TEX14: variants seen among roughly 807,000 people sequenced by gnomAD.
TEX14 encodes inactive serine/threonine-protein kinase TEX14.
In TEX14, 168 loss-of-function variants were observed where a neutral mutation model predicts 178.6. The observed-to-expected ratio is 0.94, with a 90% CI of 0.83 to 1.07. The LOEUF (loss-of-function observed/expected upper bound fraction) is 1.07. TEX14 is among the 50% of genes least tolerant of loss of function. The pLI, the probability that TEX14 is intolerant of heterozygous loss-of-function variation, is 0.00. For synonymous variants in TEX14, 626 were observed against 634.1 expected (o/e 0.99, Z 0.19); for missense variants, 1,730 against 1,753.6 (o/e 0.99, Z 0.24).
chr17:58,615,215 T>C lies in TEX14; in HGVS notation c.881+17A>G, dbSNP rs1200700122. 4 of 1,539,474 alleles carry C rather than the reference T, an allele frequency of 2.6e-6. No individual in the cohort carries two copies. Among genetic ancestry groups the C allele is most frequent in the South Asian group, 1.1e-5 (1 of 89,416 alleles). On this transcript the variant is annotated intron_variant, in intron 8 of 31. Coordinates refer to ENST00000349033, the MANE Select transcript of TEX14 (RefSeq NM_031272.5). Reference sequence around the variant, plus strand: ...GAGAGACCTGGACCTATAAGGGGCCTTGGGCTTCCTTCTCACCTGCTGTGT... The same window carrying C: ...GAGAGACCTGGACCTATAAGGGGCCCTGGGCTTCCTTCTCACCTGCTGTGT...
At chr17:58,662,402 T>C (rs764756149) in intron 1 of TEX14, among the ~76,000 whole-genome samples, 18 of 139,054 alleles carry the variant, frequency 1.3e-4, no homozygotes, top group Admixed American at 3.1e-4. Flanking sequence ...TACAGATATA[T>C]AGCACACATA....
At chr17:58,608,484 A>G (rs1175975911) in intron 10 of TEX14, among the ~76,000 whole-genome samples, 1 of 150,084 alleles carries the variant, frequency 6.7e-6, no homozygotes. Context: ...CAGGAAGCTG[A>G]GGTAGGAAGA....
chr17:58,639,067 G>A (rs1453178588), intron 2 of TEX14, among the ~76,000 whole-genome samples: 1 of 151,010 alleles, frequency 6.6e-6, no homozygotes, highest in African/African-American at 2.4e-5. Context: ...GGGTTTCACC[G>A]TGTTAGCCAG....
intron 26 of TEX14, among the ~76,000 whole-genome samples, chr17:58,568,539 G>T (rs1047334292): frequency 1.3e-5 from 2 of 152,212 alleles, no homozygotes; most frequent in African/African-American, 4.8e-5. Flanking sequence ...TGGTTGGCCA[G>T]GCTGTCAAGA....
At chr17:58,661,375 G>T in intron 1 of TEX14, 2 of 927,342 alleles carry the variant, frequency 2.2e-6, no homozygotes, top group Non-Finnish European at 3.6e-6. Flanking sequence ...TCAGGTCGGT[G>T]GAAGTAATCT....
Position 58,659,293 on chromosome 17 carries a change from G to C in TEX14, c.-1-7291C>G, listed in dbSNP as rs185171271. Reference sequence around the variant, plus strand: ...TCAGGACCAACAGCGTCTCTCCCCCGCCACAAAGACATTATTTACTTAATA... The same window carrying C: ...TCAGGACCAACAGCGTCTCTCCCCCCCCACAAAGACATTATTTACTTAATA... On this transcript the variant is annotated intron_variant, in intron 1 of 31. Coordinates refer to ENST00000349033, the MANE Select transcript of TEX14 (RefSeq NM_031272.5). 48 of 961,734 alleles carry C rather than the reference G, an allele frequency of 5.0e-5. No homozygotes were observed. The East Asian group carries it at 2.9e-3, about 57-fold the overall frequency. The allele number at this position is 961,734 out of a possible 1,614,324, so 59.6% of individuals were successfully genotyped here. A position where few individuals can be genotyped will look rare whatever the true frequency, so the allele number is the denominator to read the frequency against.
rs1463518451 is a variant in TEX14 at position 58,599,220 on chromosome 17, T to A, written c.2125A>T (p.Thr709Ser). The part of the protein sequence containing the change: ...SLSSLSLPES[T>S]REAKSNLNNM... ...TTCAAATTGCTCTTGGCTTCTCTGG[T>A]TGACTCAGGAAGGCTGAGTGAACTG... Residue 709 changes from threonine to serine, a missense_variant, in exon 14 of 32, where the codon ACC becomes TCC. Coordinates refer to ENST00000349033, the MANE Select transcript of TEX14 (RefSeq NM_031272.5). 1.9e-6 allele frequency: 3 copies of A among 1,613,984 alleles called. No homozygotes were observed. In the African/African-American group the frequency reaches 4.0e-5, roughly 22 times the overall value.
intron 10 of TEX14, among the ~76,000 whole-genome samples, chr17:58,610,477 GA>G (rs1275260017): frequency 1.3e-5 from 2 of 152,188 alleles, no homozygotes; most frequent in Non-Finnish European, 2.9e-5. Flanking sequence ...TGCAGTGGGG[GA>G]TCAAGGCCTG....
chr17:58,602,585 T>A lies in TEX14; in HGVS notation c.1342A>T (p.Ile448Leu). ...GAGCCATCTAAGCCCTTCCAGGGTA[T>A]GTCATCTGTAAGGAAAAAGTCATAC... ...MIMQEILTDDIPWKGLDGSVV... is the reference protein window; with the variant it reads ...MIMQEILTDDLPWKGLDGSVV... Residue 448 changes from isoleucine to leucine, a missense_variant, in exon 12 of 32, where the codon ATA (isoleucine) becomes TTA (leucine). Transcript: ENST00000349033. 6.2e-7 allele frequency: 1 copy of A among 1,609,142 alleles called. No homozygotes were observed. Among genetic ancestry groups the A allele is most frequent in the Non-Finnish European group, 8.5e-7 (1 of 1,177,562 alleles).
At chr17:58,600,964 A>G (rs2045419532) in intron 13 of TEX14, among the ~76,000 whole-genome samples, 1 of 152,148 alleles carries the variant, frequency 6.6e-6, no homozygotes, top group Non-Finnish European at 1.5e-5. Context: ...ATGTAGTAAA[A>G]TTGGTTGGGC....
At position 58,671,826 on chromosome 17, in the gene TEX14, G is replaced by A. The variant is rs187551993; in HGVS notation, c.-1-19824C>T. Among the ~76,000 whole-genome samples the A allele has an allele frequency of 5.9e-5, 9 of 152,158 alleles. No homozygotes were observed. The East Asian group carries it at 1.7e-3, about 29-fold the overall frequency. On this transcript the variant is annotated intron_variant, in intron 1 of 31. Coordinates refer to ENST00000349033, the MANE Select transcript of TEX14 (RefSeq NM_031272.5). ...TGGACCTCAGGTCTACTCACTGCCA[G>A]AGAAGCTCATCCCTCAATTCATCTA...
chr17:58,663,805 C>T (rs1203351958), intron 1 of TEX14, among the ~76,000 whole-genome samples: 1 of 152,142 alleles, frequency 6.6e-6, no homozygotes, highest in African/African-American at 2.4e-5. Flanking sequence ...TTGTGGGGAG[C>T]CAAATCCATT....
chr17:58,598,528 A>G (rs1220229603), intron 14 of TEX14, among the ~76,000 whole-genome samples: 1 of 152,202 alleles, frequency 6.6e-6, no homozygotes, highest in Non-Finnish European at 1.5e-5. Flanking sequence ...TTTGATACAT[A>G]CGAATTTACA....
At chr17:58,623,086 A>T (rs2046039985) in intron 3 of TEX14, 74 bp from the exon 4 acceptor site, 2 of 1,388,434 alleles carry the variant, frequency 1.4e-6, no homozygotes, top group Non-Finnish European at 9.8e-7. Flanking sequence ...CTCAGCGTGC[A>T]ACACAGGGCT....
intron 2 of TEX14, among the ~76,000 whole-genome samples, chr17:58,644,737 G>A (rs897273006): frequency 1.4e-5 from 2 of 141,112 alleles, no homozygotes. Context: ...CGCCCCCCCT[G>A]GTTCAAGCGA....
At position 58,598,990 on chromosome 17, in the gene TEX14, A is replaced by C; in HGVS notation, c.2355T>G (p.Pro785=). ...SREFTNAYKL[P]LAVGPPSLNY... The stretch of plus-strand genomic sequence containing the variant: ...TTAAAGATGGAGGGCCCACGGCCAG[A>C]GGTAACTTGTAGGCATTTGTAAACT... The change falls in exon 14 of 32, where the codon CCT becomes CCG. Residue 785 remains proline (P), a synonymous_variant. Coordinates refer to ENST00000349033, the MANE Select transcript of TEX14 (RefSeq NM_031272.5). 6.2e-7 allele frequency: 1 copy of C among 1,614,142 alleles called. No homozygotes were observed. Among genetic ancestry groups the C allele is most frequent in the Non-Finnish European group, 8.5e-7 (1 of 1,179,990 alleles).
At chr17:58,669,827 T>C (rs969220539) in intron 1 of TEX14, among the ~76,000 whole-genome samples, 1 of 150,500 alleles carries the variant, frequency 6.6e-6, no homozygotes, top group Non-Finnish European at 1.5e-5. Context: ...GTTAACAAAA[T>C]GTCAGGAAGG....
intron 1 of TEX14, among the ~76,000 whole-genome samples, chr17:58,673,785 T>A (rs778037246): frequency 2.2e-4 from 33 of 151,988 alleles, no homozygotes; most frequent in Non-Finnish European, 3.5e-4. Flanking sequence ...GTTGCCCAGC[T>A]TGGTCTCAAA....
chr17:58,595,605 T>C (rs1329107395), intron 14 of TEX14, among the ~76,000 whole-genome samples: 2 of 152,238 alleles, frequency 1.3e-5, no homozygotes, highest in African/African-American at 4.8e-5. Flanking sequence ...ATTTATTGAA[T>C]GACAAGTCAA....
Sources: gnomAD v4.1 joint callset for allele counts (sites outside exome capture counted in the v4.1 genomes callset) on GRCh38, gnomAD v4.1.1 for gene constraint, MANE v1.5 for transcripts, NCBI Gene and HGNC (gene_info 2026-07-23, HGNC 2026-07-21) for gene names.